The following CADPS variants were observed in gnomAD, a reference collection of about 807,000 sequenced individuals.
CADPS encodes the protein calcium dependent secretion activator.
In CADPS, 57 loss-of-function variants were observed where a neutral mutation model predicts 167.3. The observed-to-expected ratio is 0.34, with a 90% confidence interval of 0.28 to 0.42. The LOEUF is 0.42. Among genes scored for constraint, CADPS ranks in the 20% least tolerant of loss-of-function variants. The pLI, the probability that CADPS is intolerant of heterozygous loss-of-function variation, is 1.00. For missense variants in CADPS, 1,414 were observed against 1,738.1 expected, an observed-to-expected ratio of 0.81 and a Z score of 3.32; for synonymous variants, 676 against 635.3, an observed-to-expected ratio of 1.06 and a Z score of -0.96.
chr3:62,765,022 G>C (rs2086495170), intron 2 of CADPS, among the ~76,000 whole-genome samples: 1 of 152,110 alleles, frequency 6.6e-6, no homozygotes, highest in African/African-American at 2.4e-5. Flanking sequence ...TGGGGCATAG[G>C]ATTCCAAACA....
At chr3:62,523,715 G>T (rs528281204) in intron 13 of CADPS, among the ~76,000 whole-genome samples, 1 of 152,262 alleles carries the variant, frequency 6.6e-6, no homozygotes, top group East Asian at 1.9e-4. Context: ...ACAGTGTCTG[G>T]TCCACTGCTC....
At chr3:62,721,137 A>T (rs1230936485) in intron 3 of CADPS, among the ~76,000 whole-genome samples, 2 of 75,866 alleles carry the variant, frequency 2.6e-5, no homozygotes, top group African/African-American at 6.2e-5. Context: ...TTTTTTTTAA[A>T]AAAAAAAAGA....
intron 3 of CADPS, among the ~76,000 whole-genome samples, chr3:62,732,569 T>C (rs894596789): frequency 9.2e-5 from 14 of 152,248 alleles, no homozygotes; most frequent in African/African-American, 3.4e-4. Flanking sequence ...AACCACTATG[T>C]TTCAAGGGAA....
intron 6 of CADPS, among the ~76,000 whole-genome samples, chr3:62,606,197 C>A (rs2060671665): frequency 6.6e-6 from 1 of 152,126 alleles, no homozygotes; most frequent in Non-Finnish European, 1.5e-5. Flanking sequence ...GCGATTACTC[C>A]TTTTGGCCTC....
intron 1 of CADPS, among the ~76,000 whole-genome samples, chr3:62,793,305 A>G (rs2093115072): frequency 6.6e-6 from 1 of 152,150 alleles, no homozygotes; most frequent in African/African-American, 2.4e-5. Flanking sequence ...TATTCTTTGT[A>G]ACTGGGTCTT....
chr3:62,449,130 G>A (rs1445095284), intron 26 of CADPS, among the ~76,000 whole-genome samples: 1 of 152,212 alleles, frequency 6.6e-6, no homozygotes, highest in Non-Finnish European at 1.5e-5. Context: ...GAATGAATGT[G>A]TAAAATTACA....
chr3:62,695,500 C>T (rs142928457), intron 3 of CADPS, among the ~76,000 whole-genome samples: 1 of 152,134 alleles, frequency 6.6e-6, no homozygotes, highest in African/African-American at 2.4e-5. Context: ...CCTTAAAGAT[C>T]TGAAAGAAAC....
chr3:62,748,473 T>C (rs992219480), intron 3 of CADPS, among the ~76,000 whole-genome samples: 5 of 150,980 alleles, frequency 3.3e-5, no homozygotes, highest in South Asian at 2.1e-4. Flanking sequence ...GGATAACTTA[T>C]AAAGTTAAGC....
chr3:62,636,767 T>G (rs2066392005), intron 6 of CADPS, among the ~76,000 whole-genome samples: 1 of 152,228 alleles, frequency 6.6e-6, no homozygotes, highest in South Asian at 2.1e-4. Context: ...TGTAGAGGGC[T>G]GTGCCTCTGG....
intron 1 of CADPS, among the ~76,000 whole-genome samples, chr3:62,852,106 G>A (rs113162727): frequency 0.19 from 27,629 of 146,464 alleles, 2,914 homozygotes; most frequent in Middle Eastern, 0.35. Context: ...TAGTTCTCGA[G>A]CCTTGGTTTT....
rs569014634 is a variant in CADPS at position 62,591,296 on chromosome 3, C to T, written c.1437+1341G>A. The stretch of plus-strand genomic sequence containing the variant: ...GCCTGAATGTCTGTCAATTCTGTTT[C>T]TTTCTCTCATTGGTGATCACTTTAG... On this transcript the variant is annotated intron_variant, in intron 7 of 29. Coordinates refer to ENST00000383710, the MANE Select transcript of CADPS (RefSeq NM_003716.4). 1.1e-4 allele frequency among the ~76,000 whole-genome samples: 17 copies of T among 152,300 alleles called. No individual in the cohort carries two copies. The East Asian group carries it at 2.5e-3, about 22-fold the overall frequency.
chr3:62,683,108 G>A (rs2077414858), intron 3 of CADPS, among the ~76,000 whole-genome samples: 2 of 152,064 alleles, frequency 1.3e-5, no homozygotes, highest in Non-Finnish European at 2.9e-5. Flanking sequence ...GTCTGGGAAG[G>A]CAGGCAGGGC....
intron 6 of CADPS, among the ~76,000 whole-genome samples, chr3:62,595,006 C>A (rs1436759452): frequency 6.6e-6 from 1 of 152,012 alleles, no homozygotes; most frequent in African/African-American, 2.4e-5. Flanking sequence ...GAACATTTTA[C>A]CCTGTTTGTT....
Position 62,420,878 on chromosome 3 carries a change from ACACACACACACACACACACACACAGG to A in CADPS, c.3777+17200_3777+17225del, listed in dbSNP as rs1228750691. Among the ~76,000 whole-genome samples, 4 of 131,626 alleles carry A rather than the reference ACACACACACACACACACACACACAGG, an allele frequency of 3.0e-5. No individual in the cohort carries two copies. The highest frequency in any genetic ancestry group is 4.4e-4 in the East Asian group (2 of 4,562). 86.4% of individuals were successfully genotyped at this position (131,626 alleles called of 152,430 possible). ...GGAGAACGAACACACACACACACAC[ACACACACACACACACACACACACAGG>A]CACACACACACACACTTGCCAGATC... On this transcript the variant is annotated intron_variant, in intron 28 of 29. Transcript: ENST00000383710. This position sits in a 1 kb window ranked among gnomAD's most constrained non-coding sequence, Gnocchi z 4.1.
chr3:62,767,237 A>C (rs1032858499), intron 1 of CADPS, among the ~76,000 whole-genome samples: 1 of 152,158 alleles, frequency 6.6e-6, no homozygotes, highest in Non-Finnish European at 1.5e-5. Flanking sequence ...CTAGTGGAAA[A>C]AGTAAGACCA....
chr3:62,777,158 G>T (rs2090500385), intron 1 of CADPS, among the ~76,000 whole-genome samples: 1 of 152,114 alleles, frequency 6.6e-6, no homozygotes, highest in South Asian at 2.1e-4. Flanking sequence ...ACACCATCTT[G>T]GGTCTTATAA....
At chr3:62,448,939 C>T (rs1474187200) in intron 26 of CADPS, among the ~76,000 whole-genome samples, 2 of 151,986 alleles carry the variant, frequency 1.3e-5, no homozygotes, top group African/African-American at 2.4e-5. Context: ...TTAAGAAGGA[C>T]ATTGATGATG....
chr3:62,430,488 G>A (rs1260438739), intron 28 of CADPS, among the ~76,000 whole-genome samples: 1 of 152,088 alleles, frequency 6.6e-6, no homozygotes, highest in Admixed American at 6.6e-5. Flanking sequence ...CTGGGAATTC[G>A]AGTGGCCCTG....
intron 8 of CADPS, among the ~76,000 whole-genome samples, chr3:62,582,157 C>T (rs1254296651): frequency 6.6e-6 from 1 of 152,244 alleles, no homozygotes; most frequent in East Asian, 1.9e-4. Flanking sequence ...TTAAAAATTG[C>T]TTTTTCGGCA....
Sources: allele counts gnomAD v4.1 joint callset (sites outside exome capture counted in the v4.1 genomes callset), GRCh38; gene constraint gnomAD v4.1.1; non-coding constraint Gnocchi (gnomAD v3.1); transcripts MANE v1.5; gene names NCBI Gene and HGNC (gene_info 2026-07-23, HGNC 2026-07-21).